RAP1GAP: variants seen among roughly 807,000 people sequenced by gnomAD.
The protein encoded by RAP1GAP is rap1 GTPase-activating protein 1.
Under a neutral mutation model 87.2 loss-of-function variants are expected in RAP1GAP, and 35 were observed. The ratio of observed to expected loss-of-function variants is 0.40; its 90% CI spans 0.31 to 0.53. The LOEUF is 0.53. Ranked by LOEUF, RAP1GAP falls within the 20% of genes least tolerant of loss-of-function variation. RAP1GAP has a pLI of 0.48. For synonymous variants in RAP1GAP, 375 were observed against 363.9 expected, an observed-to-expected ratio of 1.03 and a Z score of -0.35; for missense variants, 734 against 898.9, an observed-to-expected ratio of 0.82 and a Z score of 2.35.
At chr1:21,650,589 G>T (rs2096490008) in intron 1 of RAP1GAP, among the ~76,000 whole-genome samples, 1 of 152,236 alleles carries the variant, frequency 6.6e-6, no homozygotes, top group South Asian at 2.1e-4. Context: ...AACTCTGCCA[G>T]CAAGAGGACG....
chr1:21,616,088 C>A (rs532167460), intron 7 of RAP1GAP, among the ~76,000 whole-genome samples: 9 of 151,346 alleles, frequency 5.9e-5, no homozygotes, highest in African/African-American at 1.9e-4. Context: ...CAGGCCCAGA[C>A]TGAGGTCACA....
At position 21,608,840 on chromosome 1, in the gene RAP1GAP, C is replaced by G. The variant is rs1427308273; in HGVS notation, c.1158+10G>C. On this transcript the variant is annotated intron_variant, in intron 16 of 24. Coordinates refer to ENST00000374765, the MANE Select transcript of RAP1GAP (RefSeq NM_002885.4). ...AAGAGGGTCACCCAGCCCTCACAGC[C>G]CATCCTCACCTCCAGTTTGGCAAAC... 1.9e-6 allele frequency: 3 copies of G among 1,611,556 alleles called. No individual in the cohort carries two copies. The highest frequency in any genetic ancestry group is 1.7e-5 in the Admixed American group (1 of 59,992).
intron 1 of RAP1GAP, among the ~76,000 whole-genome samples, chr1:21,657,182 A>G (rs1162745014): frequency 6.6e-6 from 1 of 152,248 alleles, no homozygotes; most frequent in African/African-American, 2.4e-5. Context: ...ATGCATGCAG[A>G]CAGGCTCACA....
At position 21,609,515 on chromosome 1, in the gene RAP1GAP, AC is replaced by A. The variant is rs888117856; in HGVS notation, c.1071+59del. 35 of 1,023,896 alleles carry A rather than the reference AC, an allele frequency of 3.4e-5. No homozygotes were observed. The highest frequency in any genetic ancestry group is 5.7e-5 in the Admixed American group (2 of 35,342). The allele number at this position is 1,023,896 out of a possible 1,614,324, so 63.4% of individuals were successfully genotyped here. A position where few individuals can be genotyped will look rare whatever the true frequency, so the allele number is the denominator to read the frequency against. On this transcript the variant is annotated intron_variant, in intron 15 of 24. Transcript: ENST00000374765. This position sits in a 1 kb window ranked among gnomAD's most constrained non-coding sequence, Gnocchi z 4.4. Reference sequence around the variant, plus strand: ...ACCTCATAAGGCAGAATGTGTATGCACCCCCCAGGCCCCCACCCATTTGTCC... The same window carrying A: ...ACCTCATAAGGCAGAATGTGTATGCACCCCCAGGCCCCCACCCATTTGTCC...
In RAP1GAP at chr1:21,634,771, A is replaced by G. The variant is rs781543573; in HGVS notation, c.-112-8374T>C. The G allele has an allele frequency of 2.1e-6, 1 of 478,406 alleles. No homozygotes were observed. Among genetic ancestry groups the G allele is most frequent in the South Asian group, 1.5e-5 (1 of 65,394 alleles). The allele number at this position is 478,406 out of a possible 1,614,324, so 29.6% of individuals were successfully genotyped here. A position where few individuals can be genotyped will look rare whatever the true frequency, so the allele number is the denominator to read the frequency against. On this transcript the variant is annotated intron_variant, in intron 2 of 24. Coordinates refer to ENST00000374765, the MANE Select transcript of RAP1GAP (RefSeq NM_002885.4). The surrounding 1 kb of genome is among the most constrained non-coding windows in gnomAD (Gnocchi z 4.1). ...CAGGCCACCCATTTACCTGCTGTCT[A>G]TCCAGCATCTGTCTCCCTTGCTCAG...
rs965934410 is a variant in RAP1GAP at position 21,603,228 on chromosome 1, C to A, written c.1429-315G>T. 4.7e-5 allele frequency: 19 copies of A among 408,538 alleles called. No individual in the cohort carries two copies. Among genetic ancestry groups the A allele is most frequent in the Non-Finnish European group, 7.1e-5 (16 of 226,154 alleles). The allele number at this position is 408,538 out of a possible 1,614,324, so 25.3% of individuals were successfully genotyped here. A position where few individuals can be genotyped will look rare whatever the true frequency, so the allele number is the denominator to read the frequency against. The stretch of plus-strand genomic sequence containing the variant: ...CAGAATGGCTACCGCTCCCCGCCCC[C>A]CAGGGCTCTGTGGGATCTGCAGCCT... On this transcript the variant is annotated intron_variant, in intron 18 of 24. Transcript: ENST00000374765. The surrounding 1 kb of genome is among the most constrained non-coding windows in gnomAD (Gnocchi z 6.0).
chr1:21,660,965 T>C (rs2097133638), intron 1 of RAP1GAP, among the ~76,000 whole-genome samples: 1 of 151,876 alleles, frequency 6.6e-6, no homozygotes, highest in Non-Finnish European at 1.5e-5. Flanking sequence ...AGGAGGGAGA[T>C]GGCTGGGGCG....
At chr1:21,608,387 A>G in intron 16 of RAP1GAP, 37 bp from the exon 17 acceptor site, 2 of 1,599,818 alleles carry the variant, frequency 1.3e-6, no homozygotes, top group African/African-American at 1.3e-5. Context: ...AGGGACCCCA[A>G]GGATCAGCCC....
Position 21,618,353 on chromosome 1 carries a change from G to A in RAP1GAP, c.67-381C>T, listed in dbSNP as rs983685851. ...GCCTCTGCCCCAAAGAGAGCATCAG[G>A]CTTACTGCCCATGCACCCTCCTCTA... On this transcript the variant is annotated intron_variant, in intron 5 of 24. Transcript: ENST00000374765. Among the ~76,000 whole-genome samples the A allele has an allele frequency of 4.6e-5, 7 of 152,290 alleles. No homozygotes were observed. In the South Asian group the frequency reaches 1.2e-3, roughly 27 times the overall value.
At chr1:21,667,692 A>T (rs1040679340) in intron 1 of RAP1GAP, 1 of 152,146 alleles carries the variant, frequency 6.6e-6, no homozygotes, top group Admixed American at 6.6e-5. Flanking sequence ...TTCTCCCATC[A>T]AGAGTCAGAG....
chr1:21,621,635 G>A (rs1281081023), intron 3 of RAP1GAP, among the ~76,000 whole-genome samples: 1 of 152,242 alleles, frequency 6.6e-6, no homozygotes, highest in Non-Finnish European at 1.5e-5. Context: ...CACACCTGAA[G>A]TCCAGGCAGA....
rs546229041 is a variant in RAP1GAP, at chr1:21,641,074, AT to A, written c.-113+8686del. On this transcript the variant is annotated intron_variant, in intron 2 of 24. Transcript: ENST00000374765. ...AGGCATGCACCACTACGCCCAGCTAATTTTTTTTTTTTTTTTTGTATTTTTA... is the reference window on the plus strand; with the variant it reads ...AGGCATGCACCACTACGCCCAGCTAATTTTTTTTTTTTTTTTGTATTTTTA... Among the ~76,000 whole-genome samples, 1,096 of 132,100 alleles carry A rather than the reference AT, an allele frequency of 8.3e-3. 6 individuals carry two copies. The highest frequency in any genetic ancestry group is 0.011 in the Non-Finnish European group (671 of 63,764). 86.7% of individuals were successfully genotyped at this position (132,100 alleles called of 152,430 possible). A position where few individuals can be genotyped will look rare whatever the true frequency, so the allele number is the denominator to read the frequency against.
intron 5 of RAP1GAP, 56 bp downstream of exon 5, chr1:21,618,969 C>A: frequency 6.6e-7 from 1 of 1,518,960 alleles, no homozygotes; most frequent in Admixed American, 1.9e-5. Context: ...GGTGGCAGCA[C>A]TTCCCGGACC....
chr1:21,651,972 G>A (rs181939530), intron 1 of RAP1GAP: 89,713 of 589,878 alleles, frequency 0.15, 7,574 homozygotes, highest in Admixed American at 0.26. Flanking sequence ...AGCTGCCGGG[G>A]GCCGCCGGCG....
rs2094276093 is a variant in RAP1GAP, at chr1:21,634,038, G to A, written c.-112-7641C>T. Among the ~76,000 whole-genome samples the A allele has an allele frequency of 7.6e-6, 1 of 132,044 alleles. No homozygotes were observed. The highest frequency in any genetic ancestry group is 2.8e-5 in the African/African-American group (1 of 35,348). The allele number at this position is 132,044 out of a possible 152,430, so 86.6% of individuals were successfully genotyped here. A position where few individuals can be genotyped will look rare whatever the true frequency, so the allele number is the denominator to read the frequency against. The stretch of plus-strand genomic sequence containing the variant: ...CTCCTGAAACCAGAACCAAGTGGCT[G>A]CCCCAGAACTGCCCCCTCCCGGGGG... On this transcript the variant is annotated intron_variant, in intron 2 of 24. Coordinates refer to ENST00000374765, the MANE Select transcript of RAP1GAP (RefSeq NM_002885.4). This position sits in a 1 kb window ranked among gnomAD's most constrained non-coding sequence, Gnocchi z 4.1.
In RAP1GAP at chr1:21,642,093, G is replaced by A. The variant is rs540972562; in HGVS notation, c.-113+7668C>T. ...GGTGACGGACTCCTCAAGGTCACTG[G>A]CCAGGACCTGGCACCAGGCCCATCA... is the stretch of plus-strand genomic sequence containing the variant. On this transcript the variant is annotated intron_variant, in intron 2 of 24. Transcript: ENST00000374765. Among the ~76,000 whole-genome samples the A allele has an allele frequency of 1.5e-3, 223 of 152,348 alleles. 1 individual carries two copies. The highest frequency in any genetic ancestry group is 5.0e-3 in the African/African-American group (207 of 41,582).
intron 19 of RAP1GAP, 24 bp downstream of exon 19, chr1:21,602,780 G>A (rs1433062871): frequency 5.1e-6 from 8 of 1,575,398 alleles, no homozygotes; most frequent in Admixed American, 5.1e-5. Context: ...CAGGGGAATG[G>A]GGCACTGTCC....
At chr1:21,665,299 G>T in intron 1 of RAP1GAP, 1 of 514,068 alleles carries the variant, frequency 1.9e-6, no homozygotes, top group Admixed American at 2.0e-5. Context: ...GGGTGGCCTC[G>T]GTTGGCAGAG....
rs537005758 is a variant in RAP1GAP, at chr1:21,641,044, A to G, written c.-113+8717T>C. Among the ~76,000 whole-genome samples the G allele has an allele frequency of 8.7e-5, 13 of 149,164 alleles. No individual in the cohort carries two copies. In the East Asian group the frequency reaches 2.6e-3, roughly 29 times the overall value. ...TGCCTCAGTCTCCTGAGTAGCTGGG[A>G]TCACAGGCATGCACCACTACGCCCA... On this transcript the variant is annotated intron_variant, in intron 2 of 24. Coordinates refer to ENST00000374765, the MANE Select transcript of RAP1GAP (RefSeq NM_002885.4).
Sources: gnomAD v4.1 joint callset for allele counts (sites outside exome capture counted in the v4.1 genomes callset) on GRCh38, gnomAD v4.1.1 for gene constraint, Gnocchi (gnomAD v3.1) non-coding constraint, MANE v1.5 for transcripts, NCBI Gene and HGNC (gene_info 2026-07-23, HGNC 2026-07-21) for gene names.